The following VEZT variants were observed in gnomAD, a reference collection of about 807,000 sequenced individuals.
The protein encoded by VEZT is vezatin.
A neutral mutation model predicts 79.9 loss-of-function variants in VEZT; 39 were observed. The ratio of observed to expected loss-of-function variants is 0.49; its 90% CI spans 0.38 to 0.64. The LOEUF is 0.64. VEZT is among the 30% of genes least tolerant of loss of function. The pLI is 0.00. For missense variants in VEZT, 837 were observed against 893.1 expected, an observed-to-expected ratio of 0.94 and a Z score of 0.80; for synonymous variants, 325 against 327.6, an observed-to-expected ratio of 0.99 and a Z score of 0.09.
intron 1 of VEZT, among the ~76,000 whole-genome samples, chr12:95,219,350 A>C (rs755135588): frequency 6.6e-6 from 1 of 152,212 alleles, no homozygotes; most frequent in Non-Finnish European, 1.5e-5. Flanking sequence ...AACTATTAAC[A>C]GTACGGTATG....
chr12:95,287,856 A>G lies in VEZT; in HGVS notation c.1521A>G (p.Lys507=). The G allele has an allele frequency of 1.9e-5, 30 of 1,585,696 alleles. No individual in the cohort carries two copies. The highest frequency in any genetic ancestry group is 2.5e-5 in the Non-Finnish European group (29 of 1,165,444). Residue 507 remains lysine (K), a splice_region_variant and synonymous_variant, in exon 9 of 12, where the codon AAA becomes AAG. Coordinates refer to ENST00000436874, the MANE Select transcript of VEZT (RefSeq NM_017599.4). ...TGCTACGAAGAAATACAGATAAAAA[A>G]GGTACCTGTGAGAGATTTCTTTGCC... ...DKLLRRNTDK[K]GKPEIACENP... is the part of the protein sequence containing the mutation.
At chr12:95,236,410 G>A (rs939167320) in intron 1 of VEZT, among the ~76,000 whole-genome samples, 6 of 152,122 alleles carry the variant, frequency 3.9e-5, no homozygotes, top group South Asian at 2.1e-4. Context: ...GAGGGAGACC[G>A]TGGAAAGAGA....
chr12:95,269,243 T>C (rs1281991564), intron 5 of VEZT, among the ~76,000 whole-genome samples: 1 of 152,250 alleles, frequency 6.6e-6, no homozygotes, highest in South Asian at 2.1e-4. Flanking sequence ...CTGTAAGTTA[T>C]GAAATGTAAT....
chr12:95,263,119 A>C (rs373237416), intron 4 of VEZT, 38 bp downstream of exon 4: 2 of 1,519,376 alleles, frequency 1.3e-6, no homozygotes, highest in South Asian at 1.3e-5. Flanking sequence ...GACTGCTTAC[A>C]TACAGAGTAT....
intron 9 of VEZT, 81 bp from the exon 10 acceptor site, chr12:95,294,191 G>C (rs2073639041): frequency 8.3e-7 from 1 of 1,201,300 alleles, no homozygotes. Flanking sequence ...CTGGCCCCAA[G>C]GGTGTTTTTA....
chr12:95,244,824 T>C (rs1455054225), intron 1 of VEZT, among the ~76,000 whole-genome samples: 1 of 152,094 alleles, frequency 6.6e-6, no homozygotes, highest in African/African-American at 2.4e-5. Context: ...TATTTAGATA[T>C]GTCCTTGAGT....
intron 2 of VEZT, among the ~76,000 whole-genome samples, chr12:95,253,975 TTTTA>T (rs541160757): frequency 2.0e-5 from 3 of 151,904 alleles, no homozygotes; most frequent in East Asian, 1.9e-4. Context: ...TTTGTCTTCA[TTTTA>T]TTTATTTATT....
chr12:95,270,859 T>A (rs901159901), intron 6 of VEZT, among the ~76,000 whole-genome samples: 1 of 152,138 alleles, frequency 6.6e-6, no homozygotes, highest in Non-Finnish European at 1.5e-5. Flanking sequence ...AGCCAGAAAA[T>A]AAAGGCATAT....
intron 5 of VEZT, among the ~76,000 whole-genome samples, chr12:95,269,189 A>G (rs1273840932): frequency 3.9e-5 from 6 of 152,226 alleles, no homozygotes; most frequent in Non-Finnish European, 1.5e-5. Context: ...ATTACTGGTT[A>G]GGTGAAAAAA....
intron 7 of VEZT, 99 bp from the exon 8 acceptor site, chr12:95,282,213 CA>C (rs56228929): frequency 0.085 from 95,911 of 1,125,434 alleles, 4,660 homozygotes; most frequent in Non-Finnish European, 0.096. Context: ...GGATAAAGTG[CA>C]AAATTTAAAC....
At chr12:95,297,341 C>A (rs1453203432) in intron 11 of VEZT, among the ~76,000 whole-genome samples, 1 of 152,062 alleles carries the variant, frequency 6.6e-6, no homozygotes, top group African/African-American at 2.4e-5. Flanking sequence ...CCCTGCTTTT[C>A]CCTCCTCACT....
At position 95,301,178 on chromosome 12, in the gene VEZT, G is replaced by T. The variant is rs2075170361; in HGVS notation, c.*505G>T. ...AAAAAAATTAATTGATACAATTGAT[G>T]TGTGCTGGGGTTTGGAACTAAAAGT... On this transcript the variant is annotated 3_prime_UTR_variant, in exon 12 of 12. Transcript: ENST00000436874. 1 of 152,354 alleles carries T rather than the reference G, an allele frequency of 6.6e-6. No homozygotes were observed. Among genetic ancestry groups the T allele is most frequent in the African/African-American group, 2.4e-5 (1 of 41,438 alleles). The allele number at this position is 152,354 out of a possible 1,614,324, so 9.4% of individuals were successfully genotyped here. A position where few individuals can be genotyped will look rare whatever the true frequency, so the allele number is the denominator to read the frequency against.
At chr12:95,252,688 GGC>G (rs2062801400) in intron 2 of VEZT, among the ~76,000 whole-genome samples, 1 of 152,182 alleles carries the variant, frequency 6.6e-6, no homozygotes, top group East Asian at 1.9e-4. Context: ...TTATGGGCCA[GGC>G]GCGGTGGCTC....
intron 1 of VEZT, among the ~76,000 whole-genome samples, chr12:95,235,486 C>T (rs1408468662): frequency 3.0e-5 from 4 of 134,500 alleles, no homozygotes; most frequent in South Asian, 2.5e-4. Flanking sequence ...CCAGTAGGGG[C>T]GGCCGGGCAG....
intron 1 of VEZT, 42 bp from the exon 2 acceptor site, chr12:95,251,898 A>T (rs753841930): frequency 7.5e-6 from 12 of 1,590,106 alleles, no homozygotes; most frequent in Non-Finnish European, 9.4e-6. Context: ...CTTTTGAAGT[A>T]GTAATGATCT....
At chr12:95,268,510 A>G (rs1459681336) in intron 5 of VEZT, among the ~76,000 whole-genome samples, 1 of 152,206 alleles carries the variant, frequency 6.6e-6, no homozygotes, top group Non-Finnish European at 1.5e-5. Flanking sequence ...AAACAAAAAA[A>G]AAGTAATAGT....
At chr12:95,267,976 T>G (rs1430209778) in intron 5 of VEZT, among the ~76,000 whole-genome samples, 1 of 151,822 alleles carries the variant, frequency 6.6e-6, no homozygotes, top group Non-Finnish European at 1.5e-5. Flanking sequence ...GAGCCAAGAT[T>G]GTGCCACTGC....
intron 3 of VEZT, among the ~76,000 whole-genome samples, chr12:95,259,213 A>G (rs1242222964): frequency 1.3e-5 from 2 of 148,878 alleles, no homozygotes; most frequent in Non-Finnish European, 3.0e-5. Flanking sequence ...TTGATCCATT[A>G]GAATCTTTTC....
chr12:95,224,658 G>T (rs897660515), intron 1 of VEZT, among the ~76,000 whole-genome samples: 1 of 152,162 alleles, frequency 6.6e-6, no homozygotes, highest in South Asian at 2.1e-4. Context: ...AGAGCTGAAA[G>T]CTTGTAAGGC....
Sources: gnomAD v4.1 joint callset for allele counts (sites outside exome capture counted in the v4.1 genomes callset) on GRCh38, gnomAD v4.1.1 for gene constraint, MANE v1.5 for transcripts, NCBI Gene and HGNC (gene_info 2026-07-23, HGNC 2026-07-21) for gene names.